Variants in GMDS observed in about 807,000 individuals in gnomAD.
GMDS encodes GDP-mannose 4,6-dehydratase.
In GMDS, 20 loss-of-function variants were observed where a neutral mutation model predicts 49.9. That is an observed-to-expected ratio of 0.40 (90% CI 0.28 to 0.58). The LOEUF (loss-of-function observed/expected upper bound fraction) is 0.58, where lower values mean the gene tolerates loss of function less well. Among genes scored for constraint, GMDS ranks in the 20% least tolerant of loss-of-function variants. The pLI, the probability that GMDS is intolerant of heterozygous loss-of-function variation, is 0.42. For missense variants in GMDS, 362 were observed against 481.4 expected (o/e 0.75, Z 2.32); for synonymous variants, 177 against 178.6 (o/e 0.99, Z 0.07).
chr6:1,967,229 T>C (rs1365412686), intron 4 of GMDS, among the ~76,000 whole-genome samples: 1 of 152,232 alleles, frequency 6.6e-6, no homozygotes, highest in Non-Finnish European at 1.5e-5. Flanking sequence ...TTTATCTGTT[T>C]ACTTATTTAT....
intron 9 of GMDS, among the ~76,000 whole-genome samples, chr6:1,677,124 C>G (rs1002264765): frequency 8.3e-4 from 126 of 152,260 alleles, no homozygotes; most frequent in South Asian, 1.7e-3. Context: ...GCAAAGGATA[C>G]GAACAGACAC....
intron 1 of GMDS, 53 bp from the exon 2 acceptor site, chr6:2,124,784 G>T: frequency 7.2e-7 from 1 of 1,390,940 alleles, no homozygotes; most frequent in Non-Finnish European, 1.0e-6. Flanking sequence ...GTATAGAAAG[G>T]TGGTCTAGAT....
chr6:1,765,191 T>C (rs759652993), intron 7 of GMDS, among the ~76,000 whole-genome samples: 1 of 152,392 alleles, frequency 6.6e-6, no homozygotes, highest in African/African-American at 2.4e-5. Flanking sequence ...TTGTGCTTTT[T>C]GGAACCGGAT....
intron 7 of GMDS, among the ~76,000 whole-genome samples, chr6:1,823,735 G>A (rs1018954075): frequency 2.0e-5 from 3 of 152,082 alleles, no homozygotes; most frequent in African/African-American, 4.8e-5. Context: ...GCATTGTTAA[G>A]CTAGGCACAG....
chr6:1,797,002 C>G lies in GMDS; in HGVS notation c.772-54416G>C, dbSNP rs1394721467. Among the ~76,000 whole-genome samples the G allele has an allele frequency of 2.0e-5, 3 of 152,296 alleles. No homozygotes were observed. The East Asian group carries it at 5.8e-4, about 29-fold the overall frequency. On this transcript the variant is annotated intron_variant, in intron 7 of 10. Coordinates refer to ENST00000380815, the MANE Select transcript of GMDS (RefSeq NM_001500.4). ...CCTTAGATCATGACTGCTGTGTGCTCAAGCAGGGATCCCTAAACCCCAGGC... is the reference window on the plus strand; with the variant it reads ...CCTTAGATCATGACTGCTGTGTGCTGAAGCAGGGATCCCTAAACCCCAGGC...
chr6:2,092,910 G>A (rs1447989874), intron 4 of GMDS, among the ~76,000 whole-genome samples: 1 of 152,190 alleles, frequency 6.6e-6, no homozygotes, highest in Non-Finnish European at 1.5e-5. Flanking sequence ...CAGAATGATA[G>A]ATACAGAAAG....
intron 4 of GMDS, among the ~76,000 whole-genome samples, chr6:2,055,016 T>A (rs1223649937): frequency 6.6e-6 from 1 of 151,954 alleles, no homozygotes; most frequent in African/African-American, 2.4e-5. Context: ...TAAAAAAGAA[T>A]CTAATAAAAA....
chr6:2,058,420 G>T (rs1283973252), intron 4 of GMDS, among the ~76,000 whole-genome samples: 1 of 150,698 alleles, frequency 6.6e-6, no homozygotes, highest in Non-Finnish European at 1.5e-5. Context: ...CTGGTGCCAA[G>T]ATACCAGTAC....
intron 1 of GMDS, among the ~76,000 whole-genome samples, chr6:2,175,513 A>G (rs907926648): frequency 6.6e-6 from 1 of 152,224 alleles, no homozygotes; most frequent in Non-Finnish European, 1.5e-5. Flanking sequence ...GTGTCGACAG[A>G]AAAAAGAGAG....
chr6:1,645,298 TGG>T (rs1763453156), intron 9 of GMDS, among the ~76,000 whole-genome samples: 1 of 152,178 alleles, frequency 6.6e-6, no homozygotes, highest in East Asian at 1.9e-4. Context: ...AAGCCCCCCA[TGG>T]GCAGAGAATC....
intron 7 of GMDS, among the ~76,000 whole-genome samples, chr6:1,900,243 G>A (rs112057615): frequency 8.8e-4 from 134 of 152,294 alleles, no homozygotes; most frequent in African/African-American, 3.1e-3. Context: ...AGGTAGGTGT[G>A]GATGGCCACG....
intron 7 of GMDS, among the ~76,000 whole-genome samples, chr6:1,773,633 C>T (rs921134689): frequency 6.6e-6 from 1 of 152,188 alleles, no homozygotes; most frequent in Non-Finnish European, 1.5e-5. Flanking sequence ...TGAGCAGCAT[C>T]GATGGCTGTC....
chr6:2,006,392 C>T (rs1207308385), intron 4 of GMDS, among the ~76,000 whole-genome samples: 4 of 152,018 alleles, frequency 2.6e-5, no homozygotes, highest in African/African-American at 9.7e-5. Flanking sequence ...CATGCCACTG[C>T]ACCTCTGCCT....
At chr6:1,762,363 C>T (rs1341122591) in intron 7 of GMDS, among the ~76,000 whole-genome samples, 4 of 152,192 alleles carry the variant, frequency 2.6e-5, no homozygotes, top group African/African-American at 4.8e-5. Context: ...TTACTCACGA[C>T]GAAACTTCAG....
intron 4 of GMDS, among the ~76,000 whole-genome samples, chr6:2,084,997 A>G (rs985088134): frequency 6.6e-6 from 1 of 152,186 alleles, no homozygotes. Context: ...TAGCAACCCT[A>G]TCATTTTTCA....
At chr6:2,199,722 C>A (rs1216593629) in intron 1 of GMDS, among the ~76,000 whole-genome samples, 1 of 152,202 alleles carries the variant, frequency 6.6e-6, no homozygotes, top group African/African-American at 2.4e-5. Flanking sequence ...GGCTTTTTAT[C>A]ATTTGTTGAA....
At chr6:1,628,763 G>T (rs1762913234) in intron 9 of GMDS, among the ~76,000 whole-genome samples, 1 of 152,172 alleles carries the variant, frequency 6.6e-6, no homozygotes, top group Non-Finnish European at 1.5e-5. Flanking sequence ...TATGGACAGG[G>T]ATGTTAATAA....
chr6:1,772,954 T>C (rs1768641291), intron 7 of GMDS, among the ~76,000 whole-genome samples: 1 of 152,234 alleles, frequency 6.6e-6, no homozygotes, highest in African/African-American at 2.4e-5. Context: ...GGAACCAATA[T>C]TGTAAAATCA....
intron 9 of GMDS, among the ~76,000 whole-genome samples, chr6:1,680,460 T>TAC (rs199717074): frequency 0.01 from 1,575 of 152,288 alleles, 33 homozygotes; most frequent in African/African-American, 0.036. Context: ...TCTCCTCTTA[T>TAC]ACCTCTGCCT....
Sources: allele counts gnomAD v4.1 joint callset (sites outside exome capture counted in the v4.1 genomes callset), GRCh38; gene constraint gnomAD v4.1.1; transcripts MANE v1.5; gene names NCBI Gene and HGNC (gene_info 2026-07-23, HGNC 2026-07-21).